KANSL1: variants seen among roughly 807,000 people sequenced by gnomAD.
KANSL1 encodes the protein MLL1/MLL complex subunit KANSL1.
In KANSL1, 22 loss-of-function variants were observed where a neutral mutation model predicts 103.6. That is an observed-to-expected ratio of 0.21 (90% CI 0.15 to 0.30). The LOEUF is 0.30. KANSL1 is among the 10% of genes least tolerant of loss of function. The pLI is 1.00. For synonymous variants in KANSL1, 600 were observed against 527.6 expected (o/e 1.14, Z -1.88); for missense variants, 1,337 against 1,399.8 (o/e 0.96, Z 0.72).
upstream of KANSL1, among the ~76,000 whole-genome samples, chr17:46,196,878 G>A (rs971068450): frequency 6.6e-6 from 1 of 152,164 alleles, no homozygotes; most frequent in Non-Finnish European, 1.5e-5. Flanking sequence ...AGGCCAATGT[G>A]AGAGTATTGC....
intron 1 of KANSL1, among the ~76,000 whole-genome samples, chr17:46,180,422 T>C (rs2696697): frequency 0.14 from 21,954 of 151,672 alleles, 2,139 homozygotes; most frequent in Middle Eastern, 0.22. Flanking sequence ...CGCTGAAACC[T>C]GAGCGGCAGA....
chr17:46,035,144 T>TA (rs1450723537), intron 10 of KANSL1: 1 of 152,188 alleles, frequency 6.6e-6, no homozygotes, highest in African/African-American at 2.4e-5. Flanking sequence ...GCTGCCCAGA[T>TA]AGTTAATACC....
intron 1 of KANSL1, among the ~76,000 whole-genome samples, chr17:46,209,146 T>C (rs947065372): frequency 6.6e-6 from 1 of 152,010 alleles, no homozygotes; most frequent in Non-Finnish European, 1.5e-5. Flanking sequence ...TTGCGCCGAT[T>C]GCACTCCAGC....
chr17:46,171,950 T>C lies in KANSL1; in HGVS notation c.194A>G (p.Asn65Ser). ...TCCCAAGTCTTCCTTGGTAGGATTA[T>C]TTCGGAAATCTAGGCTGGGATCCTC... ...AAEDPSLDFR[N>S]NPTKEDLGKL... is the part of the protein sequence containing the mutation. The change falls in exon 2 of 15, where the codon AAT (asparagine) becomes AGT (serine). Residue 65 changes from asparagine to serine, a missense_variant. Physicochemically the swap from Asn to Ser is conservative, Grantham distance 46. Transcript: ENST00000432791. 3.1e-6 allele frequency: 5 copies of C among 1,614,278 alleles called. No individual in the cohort carries two copies. The highest frequency in any genetic ancestry group is 4.2e-6 in the Non-Finnish European group (5 of 1,180,052).
chr17:46,087,986 A>C, intron 3 of KANSL1, among the ~76,000 whole-genome samples: 1 of 152,220 alleles, frequency 6.6e-6, no homozygotes. Context: ...GTGGCAATAA[A>C]CTTAGGGCTG....
chr17:46,140,678 A>T (rs1918801), intron 2 of KANSL1, among the ~76,000 whole-genome samples: 18,559 of 150,038 alleles, frequency 0.12, 22 homozygotes, highest in Middle Eastern at 0.19. Context: ...TATACAAAAA[A>T]CACAATTCAA....
chr17:46,101,137 G>A (rs993663560), intron 2 of KANSL1, among the ~76,000 whole-genome samples: 1 of 152,180 alleles, frequency 6.6e-6, no homozygotes, highest in African/African-American at 2.4e-5. Flanking sequence ...TCATCCCAGA[G>A]CGTACAATTG....
intron 3 of KANSL1, among the ~76,000 whole-genome samples, chr17:46,085,302 A>G (rs1235755205): frequency 6.6e-6 from 1 of 152,166 alleles, no homozygotes; most frequent in Non-Finnish European, 1.5e-5. Flanking sequence ...TCGTCCTTCC[A>G]AAGAGATTTT....
chr17:46,116,246 T>A (rs1473978245), intron 2 of KANSL1, among the ~76,000 whole-genome samples: 4 of 152,174 alleles, frequency 2.6e-5, no homozygotes, highest in Non-Finnish European at 2.9e-5. Context: ...AAAAAACCAT[T>A]ACTGCGGGGC....
chr17:46,092,592 G>A (rs1210623590), intron 3 of KANSL1, among the ~76,000 whole-genome samples: 2 of 152,054 alleles, frequency 1.3e-5, no homozygotes, highest in African/African-American at 2.4e-5. Flanking sequence ...AAAACCAACT[G>A]GGAAATATTC....
chr17:46,090,693 T>C (rs2079349577), intron 3 of KANSL1, among the ~76,000 whole-genome samples: 1 of 152,246 alleles, frequency 6.6e-6, no homozygotes, highest in Non-Finnish European at 1.5e-5. Context: ...GCAACATACA[T>C]TCATGTGCCA....
Position 46,032,161 on chromosome 17 carries a change from G to C in KANSL1, c.2976C>G (p.Pro992=). The C allele has an allele frequency of 6.2e-7, 1 of 1,613,804 alleles. No homozygotes were observed. The highest frequency in any genetic ancestry group is 8.5e-7 in the Non-Finnish European group (1 of 1,179,846). ...EYSHGQSPRS[P]ISPELHSAPL... Reference sequence around the variant, plus strand: ...GTGCTGAGTGCAGTTCCGGGCTAATGGGGCTCCTAGGGGACTGACCATGGG... The same window carrying C: ...GTGCTGAGTGCAGTTCCGGGCTAATCGGGCTCCTAGGGGACTGACCATGGG... The change falls in exon 14 of 15, where the codon CCC becomes CCG. Residue 992 remains proline, a synonymous_variant. Coordinates refer to ENST00000432791, the MANE Select transcript of KANSL1 (RefSeq NM_015443.4).
chr17:46,148,878 A>G (rs2044892695), intron 2 of KANSL1, among the ~76,000 whole-genome samples: 3 of 145,234 alleles, frequency 2.1e-5, no homozygotes. Context: ...GAACCACCGT[A>G]CCTGGCCTGT....
At chr17:46,138,163 C>G (rs2044246925) in intron 2 of KANSL1, among the ~76,000 whole-genome samples, 1 of 152,130 alleles carries the variant, frequency 6.6e-6, no homozygotes, top group Non-Finnish European at 1.5e-5. Context: ...CCAAAAAGTT[C>G]CCAAAATAGG....
At chr17:46,146,157 A>G (rs186154480) in intron 2 of KANSL1, among the ~76,000 whole-genome samples, 226 of 152,338 alleles carry the variant, frequency 1.5e-3, no homozygotes, top group Non-Finnish European at 2.5e-3. Context: ...TATTGAGACT[A>G]AACTGTGAAA....
rs775144162 is a variant in KANSL1 at position 46,039,793 on chromosome 17, C to T, written c.2112G>A (p.Ser704=). ...CCGGCATGGGTGCTCTGTGCTTAAG[C>T]GATAACTTTTTGGGAGGTTTGATTT... is the stretch of plus-strand genomic sequence containing the variant. ...FDKIKPPKKL[S]LKHRAPMPGS... The change falls in exon 8 of 15, where the codon TCG becomes TCA. Residue 704 remains serine, a synonymous_variant. Coordinates refer to ENST00000432791, the MANE Select transcript of KANSL1 (RefSeq NM_015443.4). The T allele has an allele frequency of 1.1e-5, 17 of 1,614,022 alleles. No individual in the cohort carries two copies. Among genetic ancestry groups the T allele is most frequent in the Non-Finnish European group, 1.2e-5 (14 of 1,180,030 alleles).
chr17:46,205,378 G>C (rs55921138), intron 1 of KANSL1, among the ~76,000 whole-genome samples: 21,661 of 150,388 alleles, frequency 0.14, 2,095 homozygotes, highest in Middle Eastern at 0.22. Context: ...GCATCCCCCC[G>C]CCAAAAAAAA....
At chr17:46,039,533 C>A (rs898802995) in intron 8 of KANSL1, 169 bp downstream of exon 8, 1 of 732,664 alleles carries the variant, frequency 1.4e-6, no homozygotes, top group South Asian at 1.9e-5. Flanking sequence ...CTCCCGAAGT[C>A]CATCTGAGAG....
upstream of KANSL1, among the ~76,000 whole-genome samples, chr17:46,194,261 T>C (rs371169671): frequency 3.3e-5 from 5 of 152,384 alleles, no homozygotes; most frequent in East Asian, 7.7e-4. Context: ...GCAAATGGCA[T>C]TACACAATGA....
Sources: allele counts gnomAD v4.1 joint callset (sites outside exome capture counted in the v4.1 genomes callset), GRCh38; gene constraint gnomAD v4.1.1; transcripts MANE v1.5; gene names NCBI Gene and HGNC (gene_info 2026-07-23, HGNC 2026-07-21).